The following HEXB variants were observed in gnomAD, a reference collection of about 807,000 sequenced individuals.
HEXB encodes hexosaminidase subunit beta, also known as beta-hexosaminidase subunit beta.
A neutral mutation model predicts 71.2 loss-of-function variants in HEXB; 51 were observed. The ratio of observed to expected loss-of-function variants is 0.72; its 90% CI spans 0.57 to 0.90. The LOEUF (loss-of-function observed/expected upper bound fraction) is 0.90. Ranked by LOEUF, HEXB falls within the 40% of genes least tolerant of loss-of-function variation. The pLI is 0.00. For missense variants in HEXB, 617 were observed against 677.0 expected, an observed-to-expected ratio of 0.91 and a Z score of 0.98; for synonymous variants, 266 against 249.3, an observed-to-expected ratio of 1.07 and a Z score of -0.63.
At chr5:74,701,462 T>A (rs1414578129) in intron 5 of HEXB, among the ~76,000 whole-genome samples, 20 of 152,170 alleles carry the variant, frequency 1.3e-4, no homozygotes, top group Non-Finnish European at 1.9e-4. Flanking sequence ...CCTATTGCTT[T>A]CAATGACAAT....
At chr5:74,656,404 G>A (rs1339836885) in intron 1 of HEXB, among the ~76,000 whole-genome samples, 16 of 151,948 alleles carry the variant, frequency 1.1e-4, no homozygotes, top group African/African-American at 9.7e-5. Flanking sequence ...ACTTGAACCC[G>A]GGAGGCACAG....
intron 1 of HEXB, among the ~76,000 whole-genome samples, chr5:74,672,785 G>C (rs763078893): frequency 6.6e-6 from 1 of 152,132 alleles, no homozygotes; most frequent in African/African-American, 2.4e-5. Flanking sequence ...GTCCCCTCCC[G>C]GTTCAGCTTT....
Position 74,718,863 on chromosome 5 carries a change from A to G in HEXB, c.1309A>G (p.Thr437Ala), listed in dbSNP as rs748341608. ...ATATCCTGAGGAACTCAGTAGAGTC[A>G]CAGCATCTGGCTTCCCTGTAATCCT... ...SAYPEELSRV[T>A]ASGFPVILSA... Residue 437 changes from threonine to alanine, a missense_variant, in exon 11 of 14, where the codon ACA (threonine) becomes GCA (alanine). By Grantham distance (58) the Thr-to-Ala change is moderately conservative (BLOSUM62 0). Transcript: ENST00000261416. 8 of 1,614,112 alleles carry G rather than the reference A, an allele frequency of 5.0e-6. No individual in the cohort carries two copies. In the South Asian group the frequency reaches 7.7e-5, roughly 16 times the overall value.
chr5:74,689,636 A>T lies in HEXB; in HGVS notation c.445+163A>T, dbSNP rs185307798. 1.3e-4 allele frequency: 88 copies of T among 682,328 alleles called. 1 individual carries two copies. Among genetic ancestry groups the T allele is most frequent in the African/African-American group, 9.8e-4 (55 of 56,242 alleles). 42.3% of individuals were successfully genotyped at this position (682,328 alleles called of 1,614,324 possible). ...TAAAGTCTGATTATAAAAGTAGTAC[A>T]TAGTCTTTGTGGAAAATTTATTAAG... is the stretch of plus-strand genomic sequence containing the variant. On this transcript the variant is annotated intron_variant, in intron 2 of 13. Coordinates refer to ENST00000261416, the MANE Select transcript of HEXB (RefSeq NM_000521.4).
At chr5:74,707,822 CTGAAAG>C (rs201921624) in intron 6 of HEXB, among the ~76,000 whole-genome samples, 130,413 of 151,338 alleles carry the variant, frequency 0.86, 56,493 homozygotes, top group Non-Finnish European at 0.9. Flanking sequence ...ATTGGTGTAC[CTGAAAG>C]TGAAAGTGAC....
chr5:74,672,815 A>G (rs1042271944), intron 1 of HEXB, among the ~76,000 whole-genome samples: 5 of 152,196 alleles, frequency 3.3e-5, no homozygotes, highest in African/African-American at 1.2e-4. Flanking sequence ...CTCATATACA[A>G]GACAAATCGT....
chr5:74,718,902 T>C lies in HEXB; in HGVS notation c.1348T>C (p.Tyr450His). 6.2e-7 allele frequency: 1 copy of C among 1,614,056 alleles called. No individual in the cohort carries two copies. ...GFPVILSAPW[Y>H]LDLISYGQDW... The stretch of plus-strand genomic sequence containing the variant: ...CCCTGTAATCCTTTCTGCTCCTTGG[T>C]ACTTAGATTTGATTAGCTATGGACA... Residue 450 changes from tyrosine (Y) to histidine (H), a missense_variant, in exon 11 of 14, where the codon TAC becomes CAC. Transcript: ENST00000261416.
chr5:74,658,846 A>G (rs1195024869), intron 1 of HEXB, among the ~76,000 whole-genome samples: 1 of 152,134 alleles, frequency 6.6e-6, no homozygotes, highest in Non-Finnish European at 1.5e-5. Flanking sequence ...CTTCTAGTGA[A>G]TTCTCAAATC....
At chr5:74,708,335 C>G (rs1749454702) in intron 6 of HEXB, among the ~76,000 whole-genome samples, 1 of 151,956 alleles carries the variant, frequency 6.6e-6, no homozygotes, top group African/African-American at 2.4e-5. Context: ...GCTGCAAAAT[C>G]ATGCCAAAGT....
intron 8 of HEXB, among the ~76,000 whole-genome samples, 196 bp downstream of exon 8, chr5:74,715,886 G>C (rs1009451335): frequency 2.0e-5 from 3 of 151,706 alleles, no homozygotes; most frequent in African/African-American, 4.8e-5. Flanking sequence ...GCGTGGTGGT[G>C]GGTACCTGTA....
intron 1 of HEXB, among the ~76,000 whole-genome samples, chr5:74,645,088 T>G (rs927951601): frequency 1.3e-5 from 2 of 152,160 alleles, no homozygotes; most frequent in African/African-American, 4.8e-5. Flanking sequence ...GGAGTATTCT[T>G]AAGATTGCAT....
intron 1 of HEXB, among the ~76,000 whole-genome samples, chr5:74,650,925 CAAAAAAAAAA>C (rs34224491): frequency 1.0e-5 from 1 of 95,506 alleles, no homozygotes; most frequent in South Asian, 3.5e-4. Flanking sequence ...GACTCTGTCT[CAAAAAAAAAA>C]AAAAAAAAAA....
chr5:74,707,662 T>A (rs1370096652), intron 6 of HEXB, among the ~76,000 whole-genome samples: 1 of 152,078 alleles, frequency 6.6e-6, no homozygotes, highest in East Asian at 1.9e-4. Context: ...CAGGAGCTGA[T>A]GTGATCAACT....
chr5:74,697,242 C>T, intron 5 of HEXB, 136 bp downstream of exon 5: 1 of 659,882 alleles, frequency 1.5e-6, no homozygotes, highest in Non-Finnish European at 2.7e-6. Flanking sequence ...TCCTCAGTTC[C>T]TAGGGAAGTG....
rs545271302 is a variant in HEXB at position 74,698,633 on chromosome 5, G to A, written c.669+1527G>A. The stretch of plus-strand genomic sequence containing the variant: ...TCTCAATCTCCTGACCTTGTGATCC[G>A]CCTGCCTCAGCCTCCCAAAGTGCTG... On this transcript the variant is annotated intron_variant, in intron 5 of 13. Transcript: ENST00000261416. Among the ~76,000 whole-genome samples the A allele has an allele frequency of 6.9e-3, 1,007 of 144,968 alleles. 6 individuals are homozygous for A. The highest frequency in any genetic ancestry group is 0.028 in the Middle Eastern group (6 of 212).
intron 1 of HEXB, among the ~76,000 whole-genome samples, chr5:74,671,152 A>G (rs527267378): frequency 6.6e-6 from 1 of 152,334 alleles, no homozygotes; most frequent in East Asian, 1.9e-4. Flanking sequence ...GTAAGGGACA[A>G]CAATGCCACA....
chr5:74,665,342 A>G (rs1748413311), intron 1 of HEXB, among the ~76,000 whole-genome samples: 1 of 152,166 alleles, frequency 6.6e-6, no homozygotes, highest in South Asian at 2.1e-4. Flanking sequence ...TCTTTTTTGT[A>G]CTTCTTTTCC....
At chr5:74,642,145 T>A (rs1418330311) in intron 1 of HEXB, among the ~76,000 whole-genome samples, 1 of 152,246 alleles carries the variant, frequency 6.6e-6, no homozygotes, top group Non-Finnish European at 1.5e-5. Flanking sequence ...TCCTTTATCC[T>A]TGTTCCTTCC....
At chr5:74,645,048 A>G (rs1347829412) in intron 1 of HEXB, among the ~76,000 whole-genome samples, 1 of 152,112 alleles carries the variant, frequency 6.6e-6, no homozygotes. Flanking sequence ...CTGGGATTAC[A>G]GGTGTGAGCC....
Sources: gnomAD v4.1 joint callset for allele counts (sites outside exome capture counted in the v4.1 genomes callset) on GRCh38, gnomAD v4.1.1 for gene constraint, MANE v1.5 for transcripts, NCBI Gene and HGNC (gene_info 2026-07-23, HGNC 2026-07-21) for gene names.